The following ADGRG4 variants were observed in gnomAD, a reference collection of about 807,000 sequenced individuals.
ADGRG4 encodes G protein-coupled receptor 112.
A neutral mutation model predicts 126.2 loss-of-function variants in ADGRG4; 122 were observed. The observed-to-expected ratio is 0.97, with a 90% CI of 0.83 to 1.12. The LOEUF (loss-of-function observed/expected upper bound fraction) is 1.12, where lower values mean the gene tolerates loss of function less well. Ranked by LOEUF, ADGRG4 falls within the 50% of genes most tolerant of loss-of-function variation. The probability of loss-of-function intolerance (pLI) is 0.00; values close to 1 mark genes in which losing one functional copy is unlikely to be tolerated. For missense variants in ADGRG4, 2,481 were observed against 2,251.8 expected (o/e 1.10, Z -2.06); for synonymous variants, 943 against 838.7 (o/e 1.12, Z -2.15).
intron 15 of ADGRG4, among the ~76,000 whole-genome samples, chrX:136,377,474 G>A (rs1160494654): frequency 1.8e-5 from 2 of 111,279 alleles, no homozygotes; most frequent in Admixed American, 9.6e-5. Context: ...GATTACAGGC[G>A]TGTGCCATTG....
intron 4 of ADGRG4, among the ~76,000 whole-genome samples, chrX:136,309,287 G>T (rs2148443616): frequency 8.9e-6 from 1 of 112,324 alleles, no homozygotes; most frequent in South Asian, 3.7e-4. Flanking sequence ...ACTGAGGCAT[G>T]CAAACAGCTG....
At chrX:136,302,707 A>T (rs2074709536) in intron 1 of ADGRG4, among the ~76,000 whole-genome samples, 1 of 112,142 alleles carries the variant, frequency 8.9e-6, no homozygotes, top group Non-Finnish European at 1.9e-5. Context: ...ATTGCGGACT[A>T]TATGAATACT....
At chrX:136,400,220 C>A in intron 21 of ADGRG4, 104 bp downstream of exon 21, 1 of 684,616 alleles carries the variant, frequency 1.5e-6, no homozygotes, top group Middle Eastern at 4.8e-4. Flanking sequence ...AATTAAGGAT[C>A]GCCTTGCTGG....
rs2075004301 is a variant in ADGRG4 at position 136,345,037 on chromosome X, G to T, written c.1331G>T (p.Gly444Val). The change falls in exon 6 of 26, where the codon GGA (glycine) becomes GTA (valine). Residue 444 changes from glycine (G) to valine (V), a missense_variant. Coordinates refer to ENST00000394143, the MANE Select transcript of ADGRG4 (RefSeq NM_153834.4). ...GAGTTCATTGAATCTACAGCTGCCG[G>T]AACTGTACCTTGGTTTACAGTGGAA... ...GQEFIESTAAGTVPWFTVEKT... is the reference protein window; with the variant it reads ...GQEFIESTAAVTVPWFTVEKT... 2 of 1,210,783 alleles carry T rather than the reference G, an allele frequency of 1.7e-6. No individual in the cohort carries two copies. The highest frequency in any genetic ancestry group is 1.1e-6 in the Non-Finnish European group (1 of 894,795).
At chrX:136,396,403 A>T (rs12689630) in intron 19 of ADGRG4, among the ~76,000 whole-genome samples, 169 of 100,578 alleles carry the variant, frequency 1.7e-3, no homozygotes, top group East Asian at 0.012. Flanking sequence ...ATATATATAT[A>T]TTTTTTTTTT....
In ADGRG4 at chrX:136,346,302, A is replaced by G. The variant is rs1317040537; in HGVS notation, c.2596A>G (p.Thr866Ala). The part of the protein sequence containing the change: ...AAVAEVSPFS[T>A]MLEVTDESAQ... ...AGTGGCTGAGGTTTCTCCATTTTCAACAATGCTGGAAGTGACAGACGAATC... is the reference window on the plus strand; with the variant it reads ...AGTGGCTGAGGTTTCTCCATTTTCAGCAATGCTGGAAGTGACAGACGAATC... Residue 866 changes from threonine (T) to alanine (A), a missense_variant, in exon 6 of 26, where the codon ACA (threonine) becomes GCA (alanine). Transcript: ENST00000394143. The G allele has an allele frequency of 2.5e-6, 3 of 1,211,180 alleles. No homozygotes were observed. Among genetic ancestry groups the G allele is most frequent in the Admixed American group, 2.2e-5 (1 of 46,003 alleles).
chrX:136,318,479 T>G (rs993783430), intron 4 of ADGRG4, among the ~76,000 whole-genome samples: 1 of 111,937 alleles, frequency 8.9e-6, no homozygotes, highest in East Asian at 2.8e-4. Context: ...CACAACATTA[T>G]GAATATGCTA....
At chrX:136,414,680 A>C (rs1459794187) in intron 25 of ADGRG4, among the ~76,000 whole-genome samples, 3 of 112,570 alleles carry the variant, frequency 2.7e-5, no homozygotes, top group African/African-American at 9.7e-5. Context: ...CAATCCGTTC[A>C]TTTTACAGTT....
At chrX:136,380,043 A>AT (rs1170572396) in intron 15 of ADGRG4, among the ~76,000 whole-genome samples, 3 of 110,845 alleles carry the variant, frequency 2.7e-5, no homozygotes, top group African/African-American at 9.8e-5. Context: ...AGTGATGGAA[A>AT]TGTTCTAAAA....
At chrX:136,383,813 C>CCTTTCTTTCTTTCTTTCTTT (rs373849599) in intron 15 of ADGRG4, among the ~76,000 whole-genome samples, 7 of 59,604 alleles carry the variant, frequency 1.2e-4, no homozygotes, top group East Asian at 4.8e-4. Flanking sequence ...TATATATTTG[C>CCTTTCTTTCTTTCTTTCTTT]CTTTCTTTCT....
intron 4 of ADGRG4, among the ~76,000 whole-genome samples, chrX:136,313,092 T>C (rs1403438308): frequency 1.8e-5 from 2 of 112,900 alleles, no homozygotes; most frequent in East Asian, 5.5e-4. Flanking sequence ...ACATTTTGAC[T>C]ATTATGAATA....
At chrX:136,381,030 T>C (rs2075261033) in intron 15 of ADGRG4, among the ~76,000 whole-genome samples, 1 of 110,657 alleles carries the variant, frequency 9.0e-6, no homozygotes, top group Non-Finnish European at 1.9e-5. Flanking sequence ...TCTAGCTTCT[T>C]AATGTGGATC....
chrX:136,399,788 A>T, intron 20 of ADGRG4, 60 bp from the exon 21 acceptor site: 2 of 958,457 alleles, frequency 2.1e-6, no homozygotes, highest in African/African-American at 2.0e-5. Context: ...AGATGTGGCG[A>T]TGTTTAATTA....
chrX:136,350,438 T>C lies in ADGRG4; in HGVS notation c.6727+5T>C. On this transcript the variant is annotated splice_donor_5th_base_variant and intron_variant, in intron 6 of 25. Coordinates refer to ENST00000394143, the MANE Select transcript of ADGRG4 (RefSeq NM_153834.4). ...CTACTGCCACCAAGTCCACAGGTACTGCTCCATAATGCATGTGGTGTAGCC... is the reference window on the plus strand; with the variant it reads ...CTACTGCCACCAAGTCCACAGGTACCGCTCCATAATGCATGTGGTGTAGCC... 1 of 1,192,911 alleles carries C rather than the reference T, an allele frequency of 8.4e-7. No individual in the cohort carries two copies.
intron 5 of ADGRG4, among the ~76,000 whole-genome samples, chrX:136,334,156 T>C (rs1340885589): frequency 1.9e-5 from 2 of 105,980 alleles, no homozygotes; most frequent in Non-Finnish European, 3.9e-5. Context: ...TTCTTTCTTT[T>C]TTTTGGTCTA....
Position 136,346,844 on chromosome X carries a change from T to A in ADGRG4, c.3138T>A (p.Ser1046=), listed in dbSNP as rs1430114155. ...PSTLARAFST[S]VLSDVSNLSS... ...CACTGGCCAGGGCTTTTTCTACATCTGTGCTCTCAGATGTCTCAAATCTAT... is the reference window on the plus strand; with the variant it reads ...CACTGGCCAGGGCTTTTTCTACATCAGTGCTCTCAGATGTCTCAAATCTAT... The change falls in exon 6 of 26, where the codon TCT becomes TCA. Residue 1046 remains serine, a synonymous_variant. Transcript: ENST00000394143. 1.6e-5 allele frequency: 19 copies of A among 1,209,459 alleles called. No individual in the cohort carries two copies. The highest frequency in any genetic ancestry group is 2.1e-5 in the Non-Finnish European group (19 of 894,639).
Position 136,405,896 on chromosome X carries a change from G to C in ADGRG4, c.8859G>C (p.Trp2953Cys). The C allele has an allele frequency of 8.4e-7, 1 of 1,184,321 alleles. No individual in the cohort carries two copies. Among genetic ancestry groups the C allele is most frequent in the Non-Finnish European group, 1.1e-6 (1 of 880,915 alleles). The change falls in exon 23 of 26, where the codon TGG (tryptophan) becomes TGC (cysteine). Residue 2953 changes from tryptophan (W) to cysteine (C), a missense_variant. Transcript: ENST00000394143. ...TGACATTCTTACTTGGCCTCACCTGGGGGTTTGCATTTTTTGCTTGGGGAC... is the reference window on the plus strand; with the variant it reads ...TGACATTCTTACTTGGCCTCACCTGCGGGTTTGCATTTTTTGCTTGGGGAC... Reference protein sequence around the residue: ...MSLTFLLGLTWGFAFFAWGPM... With the variant: ...MSLTFLLGLTCGFAFFAWGPM...
In ADGRG4 at chrX:136,334,694, G is replaced by A. The variant is rs767581717; in HGVS notation, c.686-9698G>A. Among the ~76,000 whole-genome samples, 7 of 112,176 alleles carry A rather than the reference G, an allele frequency of 6.2e-5. No individual in the cohort carries two copies. In the South Asian group the frequency reaches 2.6e-3, roughly 41 times the overall value. On this transcript the variant is annotated intron_variant, in intron 5 of 25. Coordinates refer to ENST00000394143, the MANE Select transcript of ADGRG4 (RefSeq NM_153834.4). ...GTATTTCATTTTCATTGGAGCAATT[G>A]TAAATAGCATTGTGCTTTTGATTTC...
intron 5 of ADGRG4, among the ~76,000 whole-genome samples, chrX:136,327,781 AG>A (rs1257017822): frequency 1.8e-5 from 2 of 111,129 alleles, no homozygotes; most frequent in Non-Finnish European, 3.8e-5. Context: ...TCTCAGTAAA[AG>A]CCTATAAGCT....
Sources: allele counts gnomAD v4.1 joint callset (sites outside exome capture counted in the v4.1 genomes callset), GRCh38; gene constraint gnomAD v4.1.1; transcripts MANE v1.5; gene names NCBI Gene and HGNC (gene_info 2026-07-23, HGNC 2026-07-21).